Variants in GTF2H1 observed in about 807,000 individuals in gnomAD.
GTF2H1 encodes the protein BTF2 p62.
Under a neutral mutation model 71.2 loss-of-function variants are expected in GTF2H1, and 16 were observed. That is an observed-to-expected ratio of 0.22 (90% confidence interval 0.15 to 0.34). The LOEUF (loss-of-function observed/expected upper bound fraction) is 0.34, where lower values mean the gene tolerates loss of function less well. Ranked by LOEUF, GTF2H1 falls within the 10% of genes least tolerant of loss-of-function variation. The pLI is 1.00. For missense variants in GTF2H1, 498 were observed against 648.2 expected (o/e 0.77, Z 2.52); for synonymous variants, 215 against 219.0 (o/e 0.98, Z 0.16).
intron 1 of GTF2H1, chr11:18,325,928 A>G (rs1021165493): frequency 1.3e-5 from 2 of 152,320 alleles, no homozygotes; most frequent in Non-Finnish European, 2.9e-5. Flanking sequence ...ACTTTCATAA[A>G]TTTCTATGGC....
intron 3 of GTF2H1, 42 bp from the exon 4 acceptor site, chr11:18,338,067 A>G: frequency 7.2e-7 from 1 of 1,383,098 alleles, no homozygotes; most frequent in Non-Finnish European, 1.0e-6. Flanking sequence ...ATGGTGTTTT[A>G]TTCTAGAAGT....
intron 11 of GTF2H1, among the ~76,000 whole-genome samples, chr11:18,354,654 T>C (rs2133983810): frequency 6.6e-6 from 1 of 152,338 alleles, no homozygotes; most frequent in East Asian, 1.9e-4. Context: ...AGAGCAGTTG[T>C]TAAATGATGA....
intron 1 of GTF2H1, among the ~76,000 whole-genome samples, chr11:18,328,767 A>G (rs1042855718): frequency 2.0e-5 from 3 of 151,772 alleles, no homozygotes; most frequent in African/African-American, 7.3e-5. Context: ...CGGAGGTTGC[A>G]GTGAGCCGAG....
chr11:18,360,246 C>A (rs1865664418), intron 13 of GTF2H1, among the ~76,000 whole-genome samples: 1 of 151,938 alleles, frequency 6.6e-6, no homozygotes, highest in South Asian at 2.1e-4. Context: ...CCTCAGCCTC[C>A]TGAGTAGCTG....
At chr11:18,333,943 T>C (rs1864961962) in intron 2 of GTF2H1, among the ~76,000 whole-genome samples, 2 of 152,196 alleles carry the variant, frequency 1.3e-5, no homozygotes, top group African/African-American at 4.8e-5. Context: ...AATCTCTTTT[T>C]ATAAATTTCA....
At chr11:18,328,368 C>G (rs576739814) in intron 1 of GTF2H1, among the ~76,000 whole-genome samples, 1 of 151,166 alleles carries the variant, frequency 6.6e-6, no homozygotes, top group Non-Finnish European at 1.5e-5. Context: ...AAAAATTAGC[C>G]GGGCGTGGTG....
intron 1 of GTF2H1, among the ~76,000 whole-genome samples, chr11:18,325,231 T>C (rs991692337): frequency 6.6e-6 from 1 of 152,238 alleles, no homozygotes; most frequent in Non-Finnish European, 1.5e-5. Flanking sequence ...AGAGGTGCAG[T>C]AATGTAAAGA....
At chr11:18,328,202 CAAA>C (rs35694798) in intron 1 of GTF2H1, among the ~76,000 whole-genome samples, 15 of 99,930 alleles carry the variant, frequency 1.5e-4, no homozygotes, top group Non-Finnish European at 1.4e-4. Flanking sequence ...GACTCCATCT[CAAA>C]AAAAAAAAAA....
At chr11:18,323,771 A>C (rs1864655779) in intron 1 of GTF2H1, among the ~76,000 whole-genome samples, 1 of 152,188 alleles carries the variant, frequency 6.6e-6, no homozygotes, top group Admixed American at 6.5e-5. Context: ...ACCCCACTTA[A>C]CTTCTATCCT....
At chr11:18,323,972 C>G (rs1320419461) in intron 1 of GTF2H1, among the ~76,000 whole-genome samples, 1 of 152,102 alleles carries the variant, frequency 6.6e-6, no homozygotes, top group African/African-American at 2.4e-5. Flanking sequence ...CTGGAGAGAA[C>G]TTTGTACCTG....
intron 3 of GTF2H1, among the ~76,000 whole-genome samples, chr11:18,336,362 C>T (rs1416038083): frequency 2.6e-5 from 4 of 151,916 alleles, no homozygotes; most frequent in Admixed American, 6.6e-5. Flanking sequence ...TCCTGACCGC[C>T]AGTGATCCAC....
chr11:18,357,823 A>G (rs1865594195), intron 11 of GTF2H1, 129 bp from the exon 12 acceptor site: 2 of 703,500 alleles, frequency 2.8e-6, no homozygotes, highest in Admixed American at 2.2e-5. Context: ...ACCACTGTAA[A>G]TGATGTAGTA....
At chr11:18,344,747 C>T (rs748363055) in intron 7 of GTF2H1, among the ~76,000 whole-genome samples, 1 of 152,086 alleles carries the variant, frequency 6.6e-6, no homozygotes, top group African/African-American at 2.4e-5. Context: ...AGATTTGGCT[C>T]CTGCATACTT....
At chr11:18,332,128 T>C (rs1864914387) in intron 1 of GTF2H1, among the ~76,000 whole-genome samples, 1 of 152,238 alleles carries the variant, frequency 6.6e-6, no homozygotes, top group Non-Finnish European at 1.5e-5. Context: ...TCACTTGGCC[T>C]GTTTTCATTA....
At chr11:18,358,280 G>A (rs1281651017) in intron 12 of GTF2H1, among the ~76,000 whole-genome samples, 2 of 152,130 alleles carry the variant, frequency 1.3e-5, no homozygotes, top group Non-Finnish European at 2.9e-5. Flanking sequence ...CATAGTAAAA[G>A]CTCCTTTCTT....
chr11:18,360,660 C>A lies in GTF2H1; in HGVS notation c.1513C>A (p.Leu505Ile). The A allele has an allele frequency of 6.4e-7, 1 of 1,574,186 alleles. No homozygotes were observed. The highest frequency in any genetic ancestry group is 8.6e-7 in the Non-Finnish European group (1 of 1,164,440). ...SNLERFQVTK[L>I]CPFQEKIRRQ... Reference sequence around the variant, plus strand: ...TTTGGAACGATTCCAAGTTACGAAGCTCTGTCCATTCCAAGAAAAGATTCG... The same window carrying A: ...TTTGGAACGATTCCAAGTTACGAAGATCTGTCCATTCCAAGAAAAGATTCG... Residue 505 changes from leucine (L) to isoleucine (I), a missense_variant, in exon 14 of 15, where the codon CTC (leucine) becomes ATC (isoleucine). Physicochemically the swap from Leu to Ile is conservative, Grantham distance 5. Transcript: ENST00000265963.
At chr11:18,358,503 G>T (rs1319279806) in intron 12 of GTF2H1, 22 bp from the exon 13 acceptor site, 3 of 1,338,574 alleles carry the variant, frequency 2.2e-6, no homozygotes, top group Middle Eastern at 3.6e-4. Context: ...CTTAACCTAT[G>T]GGCCTTGTTC....
At chr11:18,334,403 C>T (rs1313107997) in intron 2 of GTF2H1, among the ~76,000 whole-genome samples, 3 of 152,164 alleles carry the variant, frequency 2.0e-5, no homozygotes, top group African/African-American at 7.2e-5. Context: ...TGAGAGAATG[C>T]CCTACAAATT....
chr11:18,325,224 G>A (rs959099978), intron 1 of GTF2H1, among the ~76,000 whole-genome samples: 1 of 152,144 alleles, frequency 6.6e-6, no homozygotes, highest in African/African-American at 2.4e-5. Context: ...GAAATGCAGA[G>A]GTGCAGTAAT....
Sources: allele counts gnomAD v4.1 joint callset (sites outside exome capture counted in the v4.1 genomes callset), GRCh38; gene constraint gnomAD v4.1.1; transcripts MANE v1.5; gene names NCBI Gene and HGNC (gene_info 2026-07-23, HGNC 2026-07-21).